Variants in JAK1 observed in about 807,000 individuals in gnomAD.
JAK1 encodes the protein Janus kinase 1, also known as tyrosine-protein kinase JAK1.
Under a neutral mutation model 136.6 loss-of-function variants are expected in JAK1, and 16 were observed. That is an observed-to-expected ratio of 0.12 (90% CI 0.08 to 0.18). The LOEUF is 0.18. Ranked by LOEUF, JAK1 falls within the 10% of genes least tolerant of loss-of-function variation. The pLI, the probability that JAK1 is intolerant of heterozygous loss-of-function variation, is 1.00. For missense variants in JAK1, 859 were observed against 1,450.1 expected, an observed-to-expected ratio of 0.59 and a Z score of 6.62; for synonymous variants, 492 against 519.5, an observed-to-expected ratio of 0.95 and a Z score of 0.72.
chr1:65,054,550 T>G (rs1046262686), intron 1 of JAK1, among the ~76,000 whole-genome samples: 2 of 152,116 alleles, frequency 1.3e-5, no homozygotes, highest in Admixed American at 6.5e-5. Flanking sequence ...TTATGAGTTC[T>G]TCCATAGGTT....
intron 1 of JAK1, among the ~76,000 whole-genome samples, chr1:65,051,172 T>C (rs1569950534): frequency 7.6e-6 from 1 of 131,948 alleles, no homozygotes; most frequent in African/African-American, 2.8e-5. Flanking sequence ...TGAGACCTGA[T>C]AGGTATGTCA....
chr1:64,928,781 A>AAAAAAAAAAC, intron 1 of JAK1, among the ~76,000 whole-genome samples: 1 of 100,446 alleles, frequency 1.0e-5, no homozygotes, highest in South Asian at 3.2e-4. Context: ...AACTCTGCAA[A>AAAAAAAAAAC]AAAAAAAAAA....
intron 1 of JAK1, among the ~76,000 whole-genome samples, chr1:64,947,924 T>C (rs998930339): frequency 2.0e-5 from 3 of 152,110 alleles, no homozygotes; most frequent in African/African-American, 7.2e-5. Context: ...ATACAATTCA[T>C]AGAAAGTTTA....
chr1:65,011,723 T>C (rs1201367590), intron 2 of JAK1, among the ~76,000 whole-genome samples: 2 of 152,088 alleles, frequency 1.3e-5, no homozygotes, highest in Non-Finnish European at 2.9e-5. Context: ...GGGTAGGACA[T>C]TGAGGAAGTA....
At chr1:65,062,608 A>G (rs1318388420) in intron 1 of JAK1, among the ~76,000 whole-genome samples, 1 of 152,150 alleles carries the variant, frequency 6.6e-6, no homozygotes, top group Non-Finnish European at 1.5e-5. Flanking sequence ...TTCTATTCCT[A>G]CATCTGTAAA....
chr1:65,049,834 G>C (rs1647237119), intron 1 of JAK1, among the ~76,000 whole-genome samples: 1 of 152,130 alleles, frequency 6.6e-6, no homozygotes, highest in African/African-American at 2.4e-5. Context: ...TGGGCATAGG[G>C]AGCTCTTTCT....
At chr1:64,980,966 G>T (rs1176561117) in intron 2 of JAK1, among the ~76,000 whole-genome samples, 2 of 152,142 alleles carry the variant, frequency 1.3e-5, no homozygotes, top group Non-Finnish European at 2.9e-5. Flanking sequence ...TCTTAATCCA[G>T]TCTATCATTG....
chr1:65,058,464 C>T (rs1647646820), intron 1 of JAK1: 1 of 534,126 alleles, frequency 1.9e-6, no homozygotes, highest in East Asian at 5.5e-5. Context: ...AGTACTGTAC[C>T]TTTAGAATAG....
At chr1:64,835,315 C>T (rs192580273) in intron 24 of JAK1, 81 bp downstream of exon 24, 1 of 714,336 alleles carries the variant, frequency 1.4e-6, no homozygotes, top group African/African-American at 1.8e-5. Context: ...TCGCTCTCCC[C>T]TCTACCCATT....
chr1:64,945,529 A>T (rs944371461), intron 1 of JAK1, among the ~76,000 whole-genome samples: 1 of 152,168 alleles, frequency 6.6e-6, no homozygotes, highest in Non-Finnish European at 1.5e-5. Flanking sequence ...GATATATGGT[A>T]AAATGAAAAA....
chr1:64,855,807 T>C (rs763464124), intron 10 of JAK1, 109 bp from the exon 11 acceptor site: 4 of 817,320 alleles, frequency 4.9e-6, no homozygotes, highest in Non-Finnish European at 7.5e-6. Context: ...GCACCATCTC[T>C]GTAACATTTC....
intron 1 of JAK1, among the ~76,000 whole-genome samples, chr1:64,956,855 T>C (rs72922269): frequency 0.037 from 5,661 of 152,096 alleles, 357 homozygotes; most frequent in African/African-American, 0.13. Context: ...AACATCCTCA[T>C]TGGGGGAGGA....
At chr1:65,022,826 C>A (rs1435490307) in intron 2 of JAK1, 2 of 152,044 alleles carry the variant, frequency 1.3e-5, no homozygotes, top group African/African-American at 4.8e-5. Flanking sequence ...ATGTGTATAT[C>A]AAAGGAGAAA....
rs367587121 is a variant in JAK1 at position 64,860,313 on chromosome 1, A to C, written c.1177-51T>G. 57 of 1,510,504 alleles carry C rather than the reference A, an allele frequency of 3.8e-5. No homozygotes were observed. In the African/African-American group the frequency reaches 7.4e-4, roughly 20 times the overall value. 93.6% of individuals were successfully genotyped at this position (1,510,504 alleles called of 1,614,324 possible). A position where few individuals can be genotyped will look rare whatever the true frequency, so the allele number is the denominator to read the frequency against. On this transcript the variant is annotated intron_variant, in intron 8 of 24. Transcript: ENST00000342505. ...GGTTACATCATGTCTCTATCAGCTT[A>C]AGTGGCTGACTCTGTAGGGAGGTGC...
intron 2 of JAK1, among the ~76,000 whole-genome samples, chr1:65,007,889 G>A (rs1021024712): frequency 8.6e-5 from 13 of 151,796 alleles, no homozygotes; most frequent in African/African-American, 2.7e-4. Flanking sequence ...GGGGCTACAG[G>A]TGCACACCAC....
chr1:64,877,908 C>A (rs1355437477), intron 4 of JAK1, among the ~76,000 whole-genome samples: 2 of 152,182 alleles, frequency 1.3e-5, no homozygotes, highest in African/African-American at 4.8e-5. Context: ...CCAGGTGAGA[C>A]TTTGGTTAAG....
intron 1 of JAK1, among the ~76,000 whole-genome samples, chr1:64,959,892 T>C (rs1646252080): frequency 6.6e-6 from 1 of 152,184 alleles, no homozygotes; most frequent in Admixed American, 6.5e-5. Flanking sequence ...GAATATAATT[T>C]GAGGGTTTTT....
chr1:64,908,642 T>C (rs1271087767), intron 1 of JAK1, among the ~76,000 whole-genome samples: 1 of 152,170 alleles, frequency 6.6e-6, no homozygotes, highest in Non-Finnish European at 1.5e-5. Flanking sequence ...TGAATAATCT[T>C]AATCAGATAT....
Position 64,860,198 on chromosome 1 carries a change from C to T in JAK1, c.1241G>A (p.Arg414Gln), listed in dbSNP as rs1656198548. 5 of 1,611,428 alleles carry T rather than the reference C, an allele frequency of 3.1e-6. No homozygotes were observed. The highest frequency in any genetic ancestry group is 4.2e-6 in the Non-Finnish European group (5 of 1,178,116). ...GTAATGATGGGCATCTGCTGTGAGC[C>T]GGAAGTAGCCATCTACCAGGGACAC... ...SFVSLVDGYF[R>Q]LTADAHHYLC... Residue 414 changes from arginine to glutamine, a missense_variant, in exon 9 of 25, where the codon CGG becomes CAG. Arg to Gln is a conservative substitution (Grantham distance 43). Coordinates refer to ENST00000342505, the MANE Select transcript of JAK1 (RefSeq NM_002227.4).
Sources: gnomAD v4.1 joint callset for allele counts (sites outside exome capture counted in the v4.1 genomes callset) on GRCh38, gnomAD v4.1.1 for gene constraint, MANE v1.5 for transcripts, NCBI Gene and HGNC (gene_info 2026-07-23, HGNC 2026-07-21) for gene names.